Variants in PIBF1 observed in about 807,000 individuals in gnomAD.
PIBF1 encodes the protein progesterone-induced-blocking factor 1.
Under a neutral mutation model 112.5 loss-of-function variants are expected in PIBF1, and 90 were observed. That is an observed-to-expected ratio of 0.80 (90% CI 0.67 to 0.95). The LOEUF is 0.95. Among genes scored for constraint, PIBF1 ranks in the 40% least tolerant of loss-of-function variants. The pLI, the probability that PIBF1 is intolerant of heterozygous loss-of-function variation, is 0.00. For missense variants in PIBF1, 915 were observed against 852.3 expected (o/e 1.07, Z -0.92); for synonymous variants, 301 against 288.6 (o/e 1.04, Z -0.44).
intron 17 of PIBF1, among the ~76,000 whole-genome samples, chr13:73,010,436 C>A (rs1270105059): frequency 6.6e-6 from 1 of 151,770 alleles, no homozygotes; most frequent in Non-Finnish European, 1.5e-5. Context: ...AACCCCATCT[C>A]TATTAAAAAT....
intron 5 of PIBF1, among the ~76,000 whole-genome samples, chr13:72,803,769 A>T (rs2035597904): frequency 6.6e-6 from 1 of 152,198 alleles, no homozygotes; most frequent in South Asian, 2.1e-4. Context: ...AGGGTTTACA[A>T]AAAGATCTGG....
intron 17 of PIBF1, among the ~76,000 whole-genome samples, chr13:73,000,787 G>A (rs1000741132): frequency 2.6e-5 from 4 of 152,056 alleles, no homozygotes; most frequent in African/African-American, 9.7e-5. Flanking sequence ...GTGATTTTCT[G>A]GAATACCGGC....
intron 13 of PIBF1, among the ~76,000 whole-genome samples, chr13:72,922,484 A>G (rs182009015): frequency 2.6e-5 from 4 of 152,276 alleles, no homozygotes; most frequent in Admixed American, 2.0e-4. Context: ...GCCACACTAA[A>G]TGGTGACACC....
At chr13:72,821,082 A>T (rs1389355518) in intron 5 of PIBF1, among the ~76,000 whole-genome samples, 1 of 152,170 alleles carries the variant, frequency 6.6e-6, no homozygotes, top group Non-Finnish European at 1.5e-5. Flanking sequence ...TTTAGATTAT[A>T]TGCAGGTATT....
intron 12 of PIBF1, among the ~76,000 whole-genome samples, chr13:72,915,605 T>C (rs560345766): frequency 6.6e-6 from 1 of 152,324 alleles, no homozygotes; most frequent in South Asian, 2.1e-4. Context: ...CAGTTACATA[T>C]CTAAATGTTA....
chr13:73,002,983 CA>C (rs1161228077), intron 17 of PIBF1, among the ~76,000 whole-genome samples: 1 of 57,520 alleles, frequency 1.7e-5, no homozygotes, highest in African/African-American at 7.5e-5. Flanking sequence ...ACTCTGGTCT[CA>C]AAAAAAAAAA....
intron 9 of PIBF1, among the ~76,000 whole-genome samples, chr13:72,840,478 A>AAG (rs1325533889): frequency 6.6e-6 from 1 of 151,536 alleles, no homozygotes; most frequent in Non-Finnish European, 1.5e-5. Flanking sequence ...TGAAGTACTT[A>AAG]CACTTGCATA....
chr13:72,914,387 A>C (rs983076203), intron 12 of PIBF1, among the ~76,000 whole-genome samples: 3 of 152,112 alleles, frequency 2.0e-5, no homozygotes, highest in African/African-American at 7.2e-5. Context: ...AAAAAAAAAC[A>C]ACCTAGATTT....
intron 14 of PIBF1, among the ~76,000 whole-genome samples, chr13:72,932,376 A>G (rs184189242): frequency 1.1e-4 from 16 of 152,324 alleles, no homozygotes; most frequent in Admixed American, 5.2e-4. Flanking sequence ...TATTCTTTAG[A>G]GTGTCTTTTC....
At chr13:72,863,358 A>G (rs2038777856) in intron 10 of PIBF1, among the ~76,000 whole-genome samples, 2 of 152,196 alleles carry the variant, frequency 1.3e-5, no homozygotes, top group South Asian at 4.1e-4. Flanking sequence ...CCACATTAAT[A>G]AGTGACTCAG....
intron 4 of PIBF1, among the ~76,000 whole-genome samples, chr13:72,796,666 A>T (rs76425936): frequency 0.11 from 15,363 of 145,180 alleles, 1,068 homozygotes; most frequent in Non-Finnish European, 0.16. Context: ...TTTTTTTTTT[A>T]AAAGGCTCAA....
chr13:72,890,162 T>C (rs1304224210), intron 10 of PIBF1, among the ~76,000 whole-genome samples: 1 of 152,162 alleles, frequency 6.6e-6, no homozygotes, highest in Non-Finnish European at 1.5e-5. Context: ...AAACCTGTTA[T>C]TTGATGTTTT....
chr13:72,893,861 G>A lies in PIBF1; in HGVS notation c.1400G>A (p.Ser467Asn), dbSNP rs1390154255. 3 of 1,606,198 alleles carry A rather than the reference G, an allele frequency of 1.9e-6. No individual in the cohort carries two copies. The highest frequency in any genetic ancestry group is 1.7e-4 in the Middle Eastern group (1 of 6,034). Residue 467 changes from serine (S) to asparagine (N), a missense_variant, in exon 11 of 18, where the codon AGT becomes AAT. By Grantham distance (46) the Ser-to-Asn change is conservative. Transcript: ENST00000326291. ...CAAAGTAAATTAAAATCTTTTGAAA[G>A]TGAGCGTGTTCAACTTCTGCAAGAG... ...LHQSKLKSFE[S>N]ERVQLLQEET...
intron 16 of PIBF1, among the ~76,000 whole-genome samples, chr13:72,989,244 T>G (rs184859499): frequency 2.6e-4 from 40 of 152,232 alleles, no homozygotes; most frequent in Non-Finnish European, 4.7e-4. Flanking sequence ...ACACAAAAAT[T>G]TACACACAAA....
chr13:72,859,923 A>G (rs920069628), intron 10 of PIBF1, among the ~76,000 whole-genome samples: 1 of 152,218 alleles, frequency 6.6e-6, no homozygotes, highest in African/African-American at 2.4e-5. Context: ...AACTACCTAC[A>G]AGTATTTTAA....
chr13:72,799,737 A>G (rs879933273), intron 5 of PIBF1, among the ~76,000 whole-genome samples: 1 of 152,196 alleles, frequency 6.6e-6, no homozygotes, highest in Non-Finnish European at 1.5e-5. Context: ...GCAGTTAGAC[A>G]AGGTCTTAGC....
At chr13:72,818,155 A>T (rs1593965522) in intron 5 of PIBF1, among the ~76,000 whole-genome samples, 1 of 152,102 alleles carries the variant, frequency 6.6e-6, no homozygotes, top group East Asian at 1.9e-4. Context: ...ATCCTAAAAT[A>T]CTCTGCATAT....
chr13:72,865,702 C>A (rs1299778539), intron 10 of PIBF1, among the ~76,000 whole-genome samples: 1 of 152,162 alleles, frequency 6.6e-6, no homozygotes, highest in Non-Finnish European at 1.5e-5. Flanking sequence ...TACACTGTTA[C>A]TAGAAACGGA....
chr13:73,009,267 A>C (rs909669223), intron 17 of PIBF1, among the ~76,000 whole-genome samples: 5 of 152,218 alleles, frequency 3.3e-5, no homozygotes, highest in Non-Finnish European at 7.3e-5. Context: ...CCTAGCAGCA[A>C]GGAAGGCTGA....
Sources: allele counts gnomAD v4.1 joint callset (sites outside exome capture counted in the v4.1 genomes callset), GRCh38; gene constraint gnomAD v4.1.1; transcripts MANE v1.5; gene names NCBI Gene and HGNC (gene_info 2026-07-23, HGNC 2026-07-21).